GNLY: variants seen among roughly 807,000 people sequenced by gnomAD.
The protein encoded by GNLY is granulysin.
In GNLY, 15 loss-of-function variants were observed where a neutral mutation model predicts 18.5. That is an observed-to-expected ratio of 0.81 (90% CI 0.54 to 1.25). GNLY has a LOEUF of 1.25. GNLY is among the 50% of genes most tolerant of loss of function. The pLI is 0.00. For missense variants in GNLY, 178 were observed against 186.9 expected, an observed-to-expected ratio of 0.95 and a Z score of 0.28; for synonymous variants, 77 against 74.9, an observed-to-expected ratio of 1.03 and a Z score of -0.14.
At position 85,698,809 on chromosome 2, in the gene GNLY, G is replaced by A. The variant is rs1678570396; in HGVS notation, c.*235G>A. ...GGGGTGGGTGTCAGTGGCATGCTGG[G>A]GTGAGCTGTGTAGTCCTTCAATAAA... On this transcript the variant is annotated 3_prime_UTR_variant, in exon 5 of 5. Coordinates refer to ENST00000263863, the MANE Select transcript of GNLY (RefSeq NM_006433.5). 18 of 1,478,858 alleles carry A rather than the reference G, an allele frequency of 1.2e-5. No individual in the cohort carries two copies. Among genetic ancestry groups the A allele is most frequent in the Non-Finnish European group, 1.5e-5 (17 of 1,116,004 alleles). The allele number at this position is 1,478,858 out of a possible 1,614,324, so 91.6% of individuals were successfully genotyped here. A position where few individuals can be genotyped will look rare whatever the true frequency, so the allele number is the denominator to read the frequency against.
At chr2:85,694,845 C>A in intron 1 of GNLY, 3 of 1,522,860 alleles carry the variant, frequency 2.0e-6, no homozygotes, top group Non-Finnish European at 2.6e-6. Context: ...TTGTGCGGGG[C>A]TGGTGAGAGA....
At chr2:85,695,458 C>A in intron 2 of GNLY, 35 bp downstream of exon 2, 1 of 1,253,756 alleles carries the variant, frequency 8.0e-7, no homozygotes, top group Non-Finnish European at 1.2e-6. Context: ...TGCCACAGTC[C>A]CTCTCCTTTC....
intron 1 of GNLY, chr2:85,694,869 T>C (rs2043760): frequency 0.62 from 951,117 of 1,535,614 alleles, 295,836 homozygotes; most frequent in South Asian, 0.68. Context: ...AGATCTCTTC[T>C]GTGTTCAAGG....
intron 1 of GNLY, chr2:85,694,727 C>A: frequency 7.0e-7 from 1 of 1,437,090 alleles, no homozygotes; most frequent in Non-Finnish European, 9.1e-7. Context: ...CACTGTGTGG[C>A]CTGAGACCCC....
chr2:85,698,748 T>C lies in GNLY; in HGVS notation c.*174T>C. ...CACGAGAATAAAGTGTCAAGCAAGATTTTAGCCGCAGCTGCTTCTTCTTTG... is the reference window on the plus strand; with the variant it reads ...CACGAGAATAAAGTGTCAAGCAAGACTTTAGCCGCAGCTGCTTCTTCTTTG... On this transcript the variant is annotated 3_prime_UTR_variant, in exon 5 of 5. Coordinates refer to ENST00000263863, the MANE Select transcript of GNLY (RefSeq NM_006433.5). The C allele has an allele frequency of 1.3e-6, 2 of 1,528,394 alleles. No individual in the cohort carries two copies. Among genetic ancestry groups the C allele is most frequent in the Non-Finnish European group, 1.8e-6 (2 of 1,139,972 alleles). 94.7% of individuals were successfully genotyped at this position (1,528,394 alleles called of 1,614,324 possible). A position where few individuals can be genotyped will look rare whatever the true frequency, so the allele number is the denominator to read the frequency against.
chr2:85,698,121 G>A (rs1367125695), intron 4 of GNLY, among the ~76,000 whole-genome samples: 2 of 152,184 alleles, frequency 1.3e-5, no homozygotes, highest in African/African-American at 2.4e-5. Flanking sequence ...CCCTGGGGTC[G>A]GGAGCTGGGG....
Position 85,694,415 on chromosome 2 carries a change from C to T in GNLY, c.-4C>T, listed in dbSNP as rs376522872. 3.1e-6 allele frequency: 5 copies of T among 1,614,010 alleles called. No individual in the cohort carries two copies. The highest frequency in any genetic ancestry group is 3.4e-6 in the Non-Finnish European group (4 of 1,179,892). On this transcript the variant is annotated 5_prime_UTR_variant, in exon 1 of 5. Transcript: ENST00000263863. ...GTGAAAGGCATCTCAGCGGCTGCCC[C>T]ACCATGGCTACCTGGGCCCTCCTGC...
intron 4 of GNLY, chr2:85,698,329 A>G: frequency 2.8e-6 from 2 of 720,080 alleles, no homozygotes; most frequent in East Asian, 2.7e-5. Flanking sequence ...ATGCTCTGGG[A>G]TTTTATGCTG....
At chr2:85,694,891 C>T in intron 1 of GNLY, 2 of 1,547,938 alleles carry the variant, frequency 1.3e-6, no homozygotes, top group Non-Finnish European at 1.7e-6. Context: ...AGACTTCCTG[C>T]CCCCTGCACC....
intron 4 of GNLY, among the ~76,000 whole-genome samples, chr2:85,697,966 T>C (rs562885593): frequency 2.6e-5 from 4 of 152,176 alleles, no homozygotes; most frequent in Admixed American, 6.5e-5. Flanking sequence ...GAAGGGGAGA[T>C]AGCAATCCTG....
intron 2 of GNLY, among the ~76,000 whole-genome samples, chr2:85,695,664 C>G (rs1237608949): frequency 6.6e-6 from 1 of 152,178 alleles, no homozygotes; most frequent in African/African-American, 2.4e-5. Flanking sequence ...GGCTGCAGAA[C>G]CCAAATAGGC....
rs150183538 is a variant in GNLY at position 85,697,652 on chromosome 2, C to G, written c.402C>G (p.Asp134Glu). ...AGETAQQICE[D>E]LRLCIPSTGP... is the part of the protein sequence containing the mutation. ...AAACTGCCCAGCAGATCTGTGAGGA[C>G]CTCAGGTTGTGTATACCTTCTACAG... Residue 134 changes from aspartate (D) to glutamate (E), a missense_variant, in exon 4 of 5, where the codon GAC becomes GAG. Physicochemically the swap from Asp to Glu is conservative, Grantham distance 45. Transcript: ENST00000263863. 3.7e-6 allele frequency: 6 copies of G among 1,613,516 alleles called. No homozygotes were observed. Among genetic ancestry groups the G allele is most frequent in the Non-Finnish European group, 5.1e-6 (6 of 1,179,430 alleles).
rs780534046 is a variant in GNLY at position 85,695,344 on chromosome 2, C to T, written c.77C>T (p.Pro26Leu). 1.9e-6 allele frequency: 3 copies of T among 1,613,180 alleles called. No homozygotes were observed. In the African/African-American group the frequency reaches 4.0e-5, roughly 22 times the overall value. The change falls in exon 2 of 5, where the codon CCT (proline) becomes CTT (leucine). Residue 26 changes from proline (P) to leucine (L), a missense_variant. Coordinates refer to ENST00000263863, the MANE Select transcript of GNLY (RefSeq NM_006433.5). The part of the protein sequence containing the change: ...NPGLVFSRLS[P>L]EYYDLARAHL... ...GGTCTGGTCTTCTCTCGTCTGAGCC[C>T]TGAGTACTACGACCTGGCAAGAGCC...
chr2:85,694,644 C>A, intron 1 of GNLY, 174 bp downstream of exon 1: 1 of 1,083,388 alleles, frequency 9.2e-7, no homozygotes, highest in Non-Finnish European at 1.3e-6. Context: ...GTCCAGTGTG[C>A]TGCCCAGCCT....
Position 85,694,443 on chromosome 2 carries a change from C to T in GNLY, c.25C>T (p.Leu9Phe), listed in dbSNP as rs766777682. ...CATGGCTACCTGGGCCCTCCTGCTC[C>T]TTGCAGCCATGCTCCTGGGCAACCC... MATWALLL[L>F]AAMLLGNPGL... Residue 9 changes from leucine (L) to phenylalanine (F), a missense_variant, in exon 1 of 5, where the codon CTT (leucine) becomes TTT (phenylalanine). Transcript: ENST00000263863. 3.1e-6 allele frequency: 5 copies of T among 1,614,128 alleles called. No homozygotes were observed. The highest frequency in any genetic ancestry group is 4.2e-6 in the Non-Finnish European group (5 of 1,180,000).
intron 4 of GNLY, chr2:85,698,360 A>G (rs771449934): frequency 1.2e-6 from 1 of 807,902 alleles, no homozygotes; most frequent in East Asian, 2.6e-5. Context: ...GGTCCCCACC[A>G]TTTCCTGTCA....
intron 2 of GNLY, 104 bp from the exon 3 acceptor site, chr2:85,695,854 A>G (rs1678422757): frequency 1.5e-6 from 1 of 683,852 alleles, no homozygotes; most frequent in Non-Finnish European, 2.6e-6. Context: ...GAGATCACGG[A>G]CATTCCTGCC....
chr2:85,698,571 C>T lies in GNLY; in HGVS notation c.435C>T (p.Leu145=). ...LRLCIPSTGP[L] ...CTGTTCTCTCCTCTCCAGGTCCCCTCTGAGCCCTCTCACCTTGTCCTGTGG... is the reference window on the plus strand; with the variant it reads ...CTGTTCTCTCCTCTCCAGGTCCCCTTTGAGCCCTCTCACCTTGTCCTGTGG... The change falls in exon 5 of 5, where the codon CTC becomes CTT. Residue 145 remains leucine (L), a synonymous_variant. Coordinates refer to ENST00000263863, the MANE Select transcript of GNLY (RefSeq NM_006433.5). The T allele has an allele frequency of 6.2e-7, 1 of 1,613,402 alleles. No individual in the cohort carries two copies. Among genetic ancestry groups the T allele is most frequent in the South Asian group, 1.1e-5 (1 of 91,072 alleles).
At chr2:85,698,014 G>A (rs1404318777) in intron 4 of GNLY, among the ~76,000 whole-genome samples, 3 of 152,244 alleles carry the variant, frequency 2.0e-5, no homozygotes, top group Non-Finnish European at 4.4e-5. Flanking sequence ...GGAGGTCACC[G>A]TGTGTGTGGA....
Sources: gnomAD v4.1 joint callset for allele counts (sites outside exome capture counted in the v4.1 genomes callset) on GRCh38, gnomAD v4.1.1 for gene constraint, MANE v1.5 for transcripts, NCBI Gene and HGNC (gene_info 2026-07-23, HGNC 2026-07-21) for gene names.